The following SGCD variants were observed in gnomAD, a reference collection of about 807,000 sequenced individuals.
SGCD encodes sarcoglycan delta, also known as delta-sarcoglycan.
In SGCD, 18 loss-of-function variants were observed where a neutral mutation model predicts 36.6. That is an observed-to-expected ratio of 0.49 (90% CI 0.34 to 0.73). SGCD has a LOEUF of 0.73. Ranked by LOEUF, SGCD falls within the 30% of genes least tolerant of loss-of-function variation. SGCD has a pLI of 0.01. For synonymous variants in SGCD, 133 were observed against 130.6 expected, an observed-to-expected ratio of 1.02 and a Z score of -0.12; for missense variants, 387 against 346.7, an observed-to-expected ratio of 1.12 and a Z score of -0.92.
chr5:156,540,375 G>A (rs774130568), intron 4 of SGCD, among the ~76,000 whole-genome samples: 1 of 151,980 alleles, frequency 6.6e-6, no homozygotes, highest in Admixed American at 6.6e-5. Context: ...TTACTCTCTG[G>A]GGCAAGGAAT....
chr5:156,604,617 C>T (rs1761341097), intron 6 of SGCD, among the ~76,000 whole-genome samples: 1 of 149,532 alleles, frequency 6.7e-6, no homozygotes, highest in African/African-American at 2.4e-5. Flanking sequence ...AGACTTTTTT[C>T]CTCCCTGCCA....
At chr5:156,329,072 T>C (rs1767947143) in intron 1 of SGCD, among the ~76,000 whole-genome samples, 1 of 152,162 alleles carries the variant, frequency 6.6e-6, no homozygotes, top group African/African-American at 2.4e-5. Flanking sequence ...GTAGAAACTC[T>C]ATAGTTTCTC....
intron 3 of SGCD, among the ~76,000 whole-genome samples, chr5:156,275,772 T>A (rs1188124579): frequency 2.0e-5 from 3 of 152,174 alleles, no homozygotes; most frequent in African/African-American, 4.8e-5. Flanking sequence ...CATCCTTCTT[T>A]GTGAAGTATA....
chr5:156,108,046 T>C (rs1307929294), intron 1 of SGCD, among the ~76,000 whole-genome samples: 1 of 152,098 alleles, frequency 6.6e-6, no homozygotes, highest in Non-Finnish European at 1.5e-5. Flanking sequence ...ATAAAAGGAA[T>C]GAAGTACATT....
intron 3 of SGCD, among the ~76,000 whole-genome samples, chr5:156,444,793 ATTTT>A (rs1753688531): frequency 6.6e-6 from 1 of 152,172 alleles, no homozygotes; most frequent in Non-Finnish European, 1.5e-5. Context: ...TTACATCAAC[ATTTT>A]TAAGCTTAAA....
chr5:155,867,908 A>C (rs1288346080), upstream of SGCD, among the ~76,000 whole-genome samples: 1 of 152,210 alleles, frequency 6.6e-6, no homozygotes, highest in Admixed American at 6.5e-5. Context: ...GAAGTGGCTG[A>C]GTCAGTCCTG....
At chr5:156,092,498 A>G (rs1373606577) in intron 1 of SGCD, among the ~76,000 whole-genome samples, 1 of 152,230 alleles carries the variant, frequency 6.6e-6, no homozygotes, top group Non-Finnish European at 1.5e-5. Flanking sequence ...TTCTTTGCCA[A>G]TATTTCCTCA....
rs1485958868 is a variant in SGCD at position 156,762,493 on chromosome 5, A to G, written c.*3103A>G. The G allele has an allele frequency of 6.6e-6, 1 of 152,660 alleles. No individual in the cohort carries two copies. The highest frequency in any genetic ancestry group is 2.4e-5 in the African/African-American group (1 of 41,464). The allele number at this position is 152,660 out of a possible 1,614,324, so 9.5% of individuals were successfully genotyped here. A position where few individuals can be genotyped will look rare whatever the true frequency, so the allele number is the denominator to read the frequency against. On this transcript the variant is annotated 3_prime_UTR_variant, in exon 9 of 9. Coordinates refer to ENST00000337851, the MANE Select transcript of SGCD (RefSeq NM_000337.6). ...TAATTGTTATGTTACCCAAGGGATAAACTTGAACTGGCTTTGAACATCCTT... is the reference window on the plus strand; with the variant it reads ...TAATTGTTATGTTACCCAAGGGATAGACTTGAACTGGCTTTGAACATCCTT...
At chr5:155,790,204 G>A in the SGCD span, among the ~76,000 whole-genome samples, 2 of 151,984 alleles carry the variant, frequency 1.3e-5, no homozygotes, top group African/African-American at 4.8e-5. Context: ...GTCTTCTGTT[G>A]TTAATAAGAT....
chr5:156,757,596 C>T lies in SGCD; in HGVS notation c.591C>T (p.Thr197=), dbSNP rs1469091652. ...PFKELRLESP[T]RSLVMEAPKG... is the part of the protein sequence containing the mutation. Reference sequence around the variant, plus strand: ...TGTTTTTCAGGTTGGAGTCCCCAACCCGGTCTCTAGTGATGGAGGCCCCAA... The same window carrying T: ...TGTTTTTCAGGTTGGAGTCCCCAACTCGGTCTCTAGTGATGGAGGCCCCAA... The change falls in exon 8 of 9, where the codon ACC becomes ACT. Residue 197 remains threonine, a synonymous_variant. Coordinates refer to ENST00000337851, the MANE Select transcript of SGCD (RefSeq NM_000337.6). 3.1e-6 allele frequency: 5 copies of T among 1,608,126 alleles called. No homozygotes were observed. The highest frequency in any genetic ancestry group is 4.2e-6 in the Non-Finnish European group (5 of 1,176,944).
chr5:156,023,771 T>A (rs139877363), intron 1 of SGCD, among the ~76,000 whole-genome samples: 162 of 152,330 alleles, frequency 1.1e-3, no homozygotes, highest in African/African-American at 3.5e-3. Flanking sequence ...CTTTATTGGC[T>A]CAATACATCT....
rs558349402 is a variant in SGCD at position 155,945,950 on chromosome 5, A to G, written c.-282+75526A>G. 1.5e-4 allele frequency among the ~76,000 whole-genome samples: 23 copies of G among 152,238 alleles called. No homozygotes were observed. The East Asian group carries it at 4.1e-3, about 27-fold the overall frequency. The stretch of plus-strand genomic sequence containing the variant: ...AGTGGGACAGTACAGTTCAGATGTG[A>G]CAGGGTGGGAGCATGAAGGGAGGTG... On this transcript the variant is annotated intron_variant, in intron 1 of 9. Transcript: ENST00000517913.
intron 3 of SGCD, among the ~76,000 whole-genome samples, chr5:156,395,617 A>G (rs1771804620): frequency 6.6e-6 from 1 of 152,174 alleles, no homozygotes; most frequent in Non-Finnish European, 1.5e-5. Context: ...CAGTCTTTCA[A>G]CATGTACCAA....
intron 3 of SGCD, among the ~76,000 whole-genome samples, chr5:156,310,262 CT>C (rs1767357019): frequency 6.6e-6 from 1 of 152,178 alleles, no homozygotes; most frequent in South Asian, 2.1e-4. Context: ...AGGCACTGGT[CT>C]TTTACATCCC....
intron 3 of SGCD, among the ~76,000 whole-genome samples, chr5:156,144,151 G>A (rs921288200): frequency 6.6e-6 from 1 of 151,972 alleles, no homozygotes; most frequent in Non-Finnish European, 1.5e-5. Context: ...TGGACATTTG[G>A]GTTGGTTCCA....
chr5:156,724,452 A>T (rs1014659321), intron 7 of SGCD, among the ~76,000 whole-genome samples: 1 of 152,030 alleles, frequency 6.6e-6, no homozygotes, highest in Non-Finnish European at 1.5e-5. Flanking sequence ...AAAATACAAA[A>T]AAACATTAGC....
At chr5:156,252,567 C>A (rs564027930) in intron 3 of SGCD, among the ~76,000 whole-genome samples, 1 of 152,098 alleles carries the variant, frequency 6.6e-6, no homozygotes, top group South Asian at 2.1e-4. Context: ...GAATTCCTTT[C>A]GGACTGTTTA....
Position 156,166,512 on chromosome 5 carries a change from G to A in SGCD, c.-44+42493G>A, listed in dbSNP as rs1581141581. On this transcript the variant is annotated intron_variant, in intron 3 of 9. Coordinates refer to the SGCD transcript ENST00000517913. ...TGTTTTTGTATTTTTGGTAGAGACA[G>A]GGTTTCACCGTGTTAGCCAGGGTGG... Among the ~76,000 whole-genome samples the A allele has an allele frequency of 5.3e-5, 8 of 152,282 alleles. 1 individual carries two copies. The South Asian group carries it at 1.7e-3, about 32-fold the overall frequency.
In SGCD at chr5:156,731,348, T is replaced by C. The variant is rs570010736; in HGVS notation, c.576-26233T>C. ...CCTGAATAGCATGTCCTAGGTTGTTTTCCAGGGTTTTCAGAGTTTTGGGTT... is the reference window on the plus strand; with the variant it reads ...CCTGAATAGCATGTCCTAGGTTGTTCTCCAGGGTTTTCAGAGTTTTGGGTT... On this transcript the variant is annotated intron_variant, in intron 7 of 8. Coordinates refer to ENST00000337851, the MANE Select transcript of SGCD (RefSeq NM_000337.6). 3.3e-5 allele frequency among the ~76,000 whole-genome samples: 5 copies of C among 152,316 alleles called. No homozygotes were observed. In the East Asian group the frequency reaches 9.6e-4, roughly 29 times the overall value.
Sources: allele counts gnomAD v4.1 joint callset (sites outside exome capture counted in the v4.1 genomes callset), GRCh38; gene constraint gnomAD v4.1.1; transcripts MANE v1.5; gene names NCBI Gene and HGNC (gene_info 2026-07-23, HGNC 2026-07-21).